The following TRAPPC12 variants were observed in gnomAD, a reference collection of about 807,000 sequenced individuals.
The protein encoded by TRAPPC12 is trafficking protein particle complex subunit 12.
In TRAPPC12, 61 loss-of-function variants were observed where a neutral mutation model predicts 69.2. The ratio of observed to expected loss-of-function variants is 0.88; its 90% CI spans 0.72 to 1.09. The LOEUF is 1.09. Among genes scored for constraint, TRAPPC12 ranks in the 50% least tolerant of loss-of-function variants. TRAPPC12 has a pLI of 0.00. For synonymous variants in TRAPPC12, 469 were observed against 438.9 expected (o/e 1.07, Z -0.86); for missense variants, 1,101 against 1,016.4 (o/e 1.08, Z -1.13).
At chr2:3,455,367 A>G (rs1665088267) in intron 6 of TRAPPC12, 1 of 152,216 alleles carries the variant, frequency 6.6e-6, no homozygotes, top group African/African-American at 2.4e-5. Context: ...TTGTGTTGCA[A>G]CAATCCAATT....
chr2:3,419,953 C>T (rs532835936), intron 3 of TRAPPC12, among the ~76,000 whole-genome samples: 1 of 152,240 alleles, frequency 6.6e-6, no homozygotes, highest in South Asian at 2.1e-4. Context: ...GCTTGGCGGC[C>T]TCCTACAACA....
intron 3 of TRAPPC12, among the ~76,000 whole-genome samples, chr2:3,412,073 G>A (rs959266131): frequency 2.0e-5 from 3 of 152,092 alleles, no homozygotes; most frequent in Admixed American, 6.5e-5. Context: ...GTTTATTCTT[G>A]TACTGTCTTC....
At chr2:3,438,582 C>A (rs548933640) in intron 5 of TRAPPC12, among the ~76,000 whole-genome samples, 93 of 102,338 alleles carry the variant, frequency 9.1e-4, no homozygotes, top group Non-Finnish European at 1.6e-3. Flanking sequence ...CTGGATTAAT[C>A]CCCCCATCCC....
chr2:3,467,529 T>C (rs980480538), intron 9 of TRAPPC12: 2 of 152,246 alleles, frequency 1.3e-5, no homozygotes, highest in African/African-American at 4.8e-5. Context: ...AGCTGACGAC[T>C]GCATTGCCAT....
intron 4 of TRAPPC12, among the ~76,000 whole-genome samples, chr2:3,424,162 ACT>A (rs1662969399): frequency 6.6e-6 from 1 of 152,218 alleles, no homozygotes; most frequent in Non-Finnish European, 1.5e-5. Context: ...CTCAGTAAGC[ACT>A]GTTTACTTAT....
Position 3,439,506 on chromosome 2 carries a change from G to A in TRAPPC12, c.1418-4273G>A, listed in dbSNP as rs144976025. Among the ~76,000 whole-genome samples the A allele has an allele frequency of 3.0e-3, 448 of 151,750 alleles. 2 individuals are homozygous for A. Among genetic ancestry groups the A allele is most frequent in the African/African-American group, 0.01 (428 of 41,550 alleles). On this transcript the variant is annotated intron_variant, in intron 5 of 11. Coordinates refer to ENST00000324266, the MANE Select transcript of TRAPPC12 (RefSeq NM_016030.6). ...GCGATCAGCTCGCCTCAGCCTCCCC[G>A]CGTGCTGGGATCCCAGGCATCAGCC...
chr2:3,418,834 C>T lies in TRAPPC12; in HGVS notation c.1165-3047C>T, dbSNP rs568348679. Among the ~76,000 whole-genome samples, 207 of 152,316 alleles carry T rather than the reference C, an allele frequency of 1.4e-3. 1 individual carries two copies. Among genetic ancestry groups the T allele is most frequent in the African/African-American group, 4.7e-3 (195 of 41,580 alleles). ...ACAGGGGCCTTCAAATGTGATGACA[C>T]GACACTGCTGTGGCCTGTGCTCTTG... On this transcript the variant is annotated intron_variant, in intron 3 of 11. Transcript: ENST00000324266.
Position 3,479,340 on chromosome 2 carries a change from A to G in TRAPPC12, c.2087A>G (p.Asn696Ser). The G allele has an allele frequency of 6.2e-7, 1 of 1,614,142 alleles. No homozygotes were observed. Among genetic ancestry groups the G allele is most frequent in the Non-Finnish European group, 8.5e-7 (1 of 1,180,034 alleles). The change falls in exon 12 of 12, where the codon AAC (asparagine) becomes AGC (serine). Residue 696 changes from asparagine to serine, a missense_variant. Physicochemically the swap from Asn to Ser is conservative, Grantham distance 46. Transcript: ENST00000324266. ...TACCTGCACGAGAGCGTGCTCTTCA[A>G]CCTGACCACCATGTACGAGCTGGAG... ...RHYLHESVLF[N>S]LTTMYELESS...
intron 1 of TRAPPC12, among the ~76,000 whole-genome samples, chr2:3,387,292 C>T (rs1396394219): frequency 2.6e-5 from 4 of 151,888 alleles, no homozygotes; most frequent in Admixed American, 6.6e-5. Context: ...AGACAGTTAT[C>T]GGGTGATTCC....
rs545547707 is a variant in TRAPPC12 at position 3,384,480 on chromosome 2, G to C, written c.-4-3140G>C. Among the ~76,000 whole-genome samples the C allele has an allele frequency of 2.3e-3, 354 of 152,316 alleles. 1 individual carries two copies. The highest frequency in any genetic ancestry group is 3.8e-3 in the Non-Finnish European group (260 of 68,010). On this transcript the variant is annotated intron_variant, in intron 1 of 11. Coordinates refer to ENST00000324266, the MANE Select transcript of TRAPPC12 (RefSeq NM_016030.6). Reference sequence around the variant, plus strand: ...AGATACCTTTGATTGCATTAAGGAAGTTACTTTCTGTTGCTAGTTTGCTGA... The same window carrying C: ...AGATACCTTTGATTGCATTAAGGAACTTACTTTCTGTTGCTAGTTTGCTGA...
intron 3 of TRAPPC12, among the ~76,000 whole-genome samples, chr2:3,415,963 C>A (rs918504887): frequency 4.0e-5 from 6 of 151,086 alleles, no homozygotes; most frequent in Admixed American, 6.6e-5. Flanking sequence ...TGATCCGCCC[C>A]CCTCAGCCTC....
rs772550078 is a variant in TRAPPC12, at chr2:3,443,816, G to A, written c.1455G>A (p.Ala485=). 33 of 1,613,978 alleles carry A rather than the reference G, an allele frequency of 2.0e-5. No individual in the cohort carries two copies. Among genetic ancestry groups the A allele is most frequent in the East Asian group, 4.5e-5 (2 of 44,894 alleles). Residue 485 remains alanine (A), a synonymous_variant, in exon 6 of 12, where the codon GCG becomes GCA. Transcript: ENST00000324266. ...MVPFSMRILH[A]ELQQYLGNPQ... ...CCTTCTCGATGCGCATCTTGCACGC[G>A]GAGCTTCAGCAGTACCTGGGGAACC...
chr2:3,434,632 G>A (rs971926870), intron 5 of TRAPPC12, among the ~76,000 whole-genome samples: 7 of 152,226 alleles, frequency 4.6e-5, no homozygotes, highest in Admixed American at 3.9e-4. Flanking sequence ...CTACCTGGGA[G>A]AGCCCAGCTT....
chr2:3,417,248 C>T (rs1056069694), intron 3 of TRAPPC12, among the ~76,000 whole-genome samples: 1 of 152,118 alleles, frequency 6.6e-6, no homozygotes, highest in African/African-American at 2.4e-5. Flanking sequence ...TTCGCGCTGT[C>T]CCTCAGATTT....
intron 3 of TRAPPC12, among the ~76,000 whole-genome samples, chr2:3,408,798 C>T (rs1294914602): frequency 6.6e-6 from 1 of 152,182 alleles, no homozygotes; most frequent in Non-Finnish European, 1.5e-5. Flanking sequence ...GCCAAAAATT[C>T]TATTAAAAAT....
chr2:3,421,865 C>T lies in TRAPPC12; in HGVS notation c.1165-16C>T, dbSNP rs963903648. On this transcript the variant is annotated splice_polypyrimidine_tract_variant and intron_variant, in intron 3 of 11. Coordinates refer to ENST00000324266, the MANE Select transcript of TRAPPC12 (RefSeq NM_016030.6). ...TTGCATGTGTGTTTGGTCACATGTT[C>T]TGCCGTGTCTTGCAGAGCTGCAGAA... is the stretch of plus-strand genomic sequence containing the variant. 8.1e-6 allele frequency: 13 copies of T among 1,609,824 alleles called. No individual in the cohort carries two copies. Among genetic ancestry groups the T allele is most frequent in the Non-Finnish European group, 1.1e-5 (13 of 1,176,434 alleles).
Position 3,479,391 on chromosome 2 carries a change from A to T in TRAPPC12, c.2138A>T (p.Gln713Leu). The T allele has an allele frequency of 6.2e-7, 1 of 1,614,144 alleles. No individual in the cohort carries two copies. The highest frequency in any genetic ancestry group is 1.1e-5 in the South Asian group (1 of 91,084). Residue 713 changes from glutamine to leucine, a missense_variant, in exon 12 of 12, where the codon CAG becomes CTG. Physicochemically the swap from Gln to Leu is moderately radical, Grantham distance 113. Transcript: ENST00000324266. ...LESSRSMQKK[Q>L]ALLEAVAGKE... is the part of the protein sequence containing the mutation. ...TCCTCACGGAGCATGCAGAAGAAAC[A>T]GGCCCTGCTGGAGGCTGTCGCCGGC... is the stretch of plus-strand genomic sequence containing the variant.
chr2:3,465,740 G>A (rs767668068), intron 9 of TRAPPC12, 45 bp downstream of exon 9: 1 of 1,334,310 alleles, frequency 7.5e-7, no homozygotes, highest in Non-Finnish European at 1.1e-6. Flanking sequence ...CCTTATGATA[G>A]TTCTTTGCTC....
chr2:3,389,912 G>A, intron 2 of TRAPPC12: 1 of 412,502 alleles, frequency 2.4e-6, no homozygotes, highest in South Asian at 1.8e-5. Flanking sequence ...TTTGGGCTCA[G>A]AATGGAGGGG....
Sources: allele counts gnomAD v4.1 joint callset (sites outside exome capture counted in the v4.1 genomes callset), GRCh38; gene constraint gnomAD v4.1.1; transcripts MANE v1.5; gene names NCBI Gene and HGNC (gene_info 2026-07-23, HGNC 2026-07-21).